The following BCAS3 variants were observed in gnomAD, a reference collection of about 807,000 sequenced individuals.
The protein encoded by BCAS3 is BCAS4/BCAS3 fusion.
Under a neutral mutation model 116.1 loss-of-function variants are expected in BCAS3, and 53 were observed. That is an observed-to-expected ratio of 0.46 (90% CI 0.37 to 0.57). The LOEUF is 0.57. Ranked by LOEUF, BCAS3 falls within the 20% of genes least tolerant of loss-of-function variation. The probability of loss-of-function intolerance (pLI) is 0.00; values close to 1 mark genes in which losing one functional copy is unlikely to be tolerated. For missense variants in BCAS3, 917 were observed against 1,165.4 expected (o/e 0.79, Z 3.10); for synonymous variants, 391 against 408.2 (o/e 0.96, Z 0.51).
chr17:61,374,950 CTAAA>C (rs1469650279), intron 23 of BCAS3, among the ~76,000 whole-genome samples: 2 of 152,218 alleles, frequency 1.3e-5, no homozygotes, highest in African/African-American at 4.8e-5. Context: ...GCTTGTTCAC[CTAAA>C]TCCTCTGAGT....
intron 22 of BCAS3, among the ~76,000 whole-genome samples, chr17:61,225,132 C>T (rs1036332174): frequency 1.4e-5 from 2 of 148,006 alleles, no homozygotes; most frequent in Non-Finnish European, 3.0e-5. Flanking sequence ...CAAGTCCATC[C>T]TTTTGGACAT....
intron 14 of BCAS3, among the ~76,000 whole-genome samples, chr17:60,953,468 CT>C (rs2145273289): frequency 6.6e-6 from 1 of 151,600 alleles, no homozygotes; most frequent in East Asian, 1.9e-4. Flanking sequence ...GGATACTAGA[CT>C]TTTGTGAGAT....
rs2144511046 is a variant in BCAS3 at position 61,243,180 on chromosome 17, GATTAC to G, written c.2426-125145_2426-125141del. ...CCGCCACGGCCTCCCAAAGTGCTGG[GATTAC>G]AGGCATGAGCCACTGCGCCCTACTG... On this transcript the variant is annotated intron_variant, in intron 22 of 23. Coordinates refer to ENST00000407086, the MANE Select transcript of BCAS3 (RefSeq NM_017679.5). This position sits in a 1 kb window ranked among gnomAD's most constrained non-coding sequence, Gnocchi z 5.6. Among the ~76,000 whole-genome samples the G allele has an allele frequency of 6.6e-6, 1 of 152,300 alleles. No homozygotes were observed. The highest frequency in any genetic ancestry group is 2.4e-5 in the African/African-American group (1 of 41,570).
intron 22 of BCAS3, among the ~76,000 whole-genome samples, chr17:61,178,994 T>C (rs569298794): frequency 1.3e-5 from 2 of 151,980 alleles, no homozygotes; most frequent in South Asian, 4.2e-4. Flanking sequence ...ATTCAGGAGG[T>C]GGGAAGGAGT....
chr17:61,201,569 G>T (rs749117385), intron 22 of BCAS3, among the ~76,000 whole-genome samples: 1 of 152,106 alleles, frequency 6.6e-6, no homozygotes, highest in African/African-American at 2.4e-5. Context: ...TATAACAAAT[G>T]TGGTGCTGGA....
At chr17:60,904,543 A>T (rs1184594552) in intron 11 of BCAS3, among the ~76,000 whole-genome samples, 2 of 152,102 alleles carry the variant, frequency 1.3e-5, no homozygotes, top group Non-Finnish European at 2.9e-5. Flanking sequence ...TTAATATAAC[A>T]CTTTAGGGCT....
chr17:60,868,200 T>A (rs1454504445), intron 7 of BCAS3, among the ~76,000 whole-genome samples: 1 of 151,852 alleles, frequency 6.6e-6, no homozygotes, highest in Non-Finnish European at 1.5e-5. Flanking sequence ...AATTTTTGTA[T>A]TTTTTTAGTG....
intron 22 of BCAS3, among the ~76,000 whole-genome samples, chr17:61,306,360 G>T (rs925830959): frequency 4.6e-5 from 7 of 152,182 alleles, no homozygotes; most frequent in Non-Finnish European, 1.0e-4. Flanking sequence ...TACCTAGACT[G>T]CAGGCTTAAG....
In BCAS3 at chr17:61,132,161, T is replaced by A. The variant is rs1384193448; in HGVS notation, c.2425+47597T>A. On this transcript the variant is annotated intron_variant, in intron 22 of 23. Coordinates refer to ENST00000407086, the MANE Select transcript of BCAS3 (RefSeq NM_017679.5). The surrounding 1 kb of genome is among the most constrained non-coding windows in gnomAD (Gnocchi z 5.1). ...AAATCACACTTCTGGTTTTTTCCAG[T>A]GATTTTTACTAAATTTGATGTTAGG... Among the ~76,000 whole-genome samples the A allele has an allele frequency of 6.6e-6, 1 of 152,244 alleles. No homozygotes were observed. The highest frequency in any genetic ancestry group is 2.4e-5 in the African/African-American group (1 of 41,468).
At chr17:61,091,561 A>C (rs1252501135) in intron 22 of BCAS3, among the ~76,000 whole-genome samples, 1 of 152,152 alleles carries the variant, frequency 6.6e-6, no homozygotes, top group African/African-American at 2.4e-5. Flanking sequence ...CTTAGAAACA[A>C]ACAAAGAGCC....
Position 61,279,231 on chromosome 17 carries a change from G to C in BCAS3, c.2426-89096G>C, listed in dbSNP as rs896292652. On this transcript the variant is annotated intron_variant, in intron 22 of 23. Transcript: ENST00000407086. This position sits in a 1 kb window ranked among gnomAD's most constrained non-coding sequence, Gnocchi z 4.4. The stretch of plus-strand genomic sequence containing the variant: ...CAAAGTGTTGGGATTACAGGCATGA[G>C]CCACCATACCTAGCCTGAATTATAT... Among the ~76,000 whole-genome samples, 47 of 152,148 alleles carry C rather than the reference G, an allele frequency of 3.1e-4. 1 individual carries two copies. The highest frequency in any genetic ancestry group is 1.1e-3 in the African/African-American group (45 of 41,442).
At position 60,766,612 on chromosome 17, in the gene BCAS3, C is replaced by T. The variant is rs150889419; in HGVS notation, c.403+19333C>T. Among the ~76,000 whole-genome samples, 17 of 152,272 alleles carry T rather than the reference C, an allele frequency of 1.1e-4. No individual in the cohort carries two copies. The East Asian group carries it at 3.1e-3, about 28-fold the overall frequency. ...CGGCTGTATGAGGTGTCATTCGGCC[C>T]CTACTGGGAGGTGTCTCCAAGTTAG... On this transcript the variant is annotated intron_variant, in intron 6 of 23. Coordinates refer to ENST00000407086, the MANE Select transcript of BCAS3 (RefSeq NM_017679.5).
chr17:60,892,230 C>T (rs1048566463), intron 10 of BCAS3, among the ~76,000 whole-genome samples: 1 of 151,456 alleles, frequency 6.6e-6, no homozygotes, highest in Admixed American at 6.6e-5. Flanking sequence ...TCTCCATACT[C>T]TTTTCCATTT....
rs571696243 is a variant in BCAS3, at chr17:60,864,317, C to T, written c.477-4259C>T. ...GGTTCTTCAGAGGTCGATTAAACTGCCATTGTGGATTTCATCAGCTTTAGC... is the reference window on the plus strand; with the variant it reads ...GGTTCTTCAGAGGTCGATTAAACTGTCATTGTGGATTTCATCAGCTTTAGC... On this transcript the variant is annotated intron_variant, in intron 7 of 23. Coordinates refer to ENST00000407086, the MANE Select transcript of BCAS3 (RefSeq NM_017679.5). Among the ~76,000 whole-genome samples, 20 of 152,256 alleles carry T rather than the reference C, an allele frequency of 1.3e-4. No individual in the cohort carries two copies. In the South Asian group the frequency reaches 3.5e-3, roughly 27 times the overall value.
chr17:60,971,051 G>C (rs2061930951), intron 14 of BCAS3, among the ~76,000 whole-genome samples: 1 of 152,270 alleles, frequency 6.6e-6, no homozygotes, highest in South Asian at 2.1e-4. Flanking sequence ...TGCAGTGCAG[G>C]GTACTGTAGG....
chr17:60,954,161 C>T (rs2060998869), intron 14 of BCAS3, among the ~76,000 whole-genome samples: 1 of 152,082 alleles, frequency 6.6e-6, no homozygotes, highest in Non-Finnish European at 1.5e-5. Flanking sequence ...TGTTGAAGAT[C>T]AGATGGTTGT....
chr17:60,737,323 C>T (rs950385997), intron 5 of BCAS3, among the ~76,000 whole-genome samples: 1 of 152,048 alleles, frequency 6.6e-6, no homozygotes, highest in African/African-American at 2.4e-5. Context: ...TAATTTTATT[C>T]ATCATTTCAA....
intron 4 of BCAS3, among the ~76,000 whole-genome samples, chr17:60,700,424 G>C (rs1309022101): frequency 6.6e-6 from 1 of 152,180 alleles, no homozygotes; most frequent in African/African-American, 2.4e-5. Context: ...AGGGACCCTG[G>C]AGGAAAATCA....
At position 60,964,344 on chromosome 17, in the gene BCAS3, G is replaced by A. The variant is rs2061555199; in HGVS notation, c.1221+16992G>A. Among the ~76,000 whole-genome samples the A allele has an allele frequency of 6.6e-6, 1 of 152,002 alleles. No homozygotes were observed. Among genetic ancestry groups the A allele is most frequent in the African/African-American group, 2.4e-5 (1 of 41,374 alleles). On this transcript the variant is annotated intron_variant, in intron 14 of 23. Coordinates refer to ENST00000407086, the MANE Select transcript of BCAS3 (RefSeq NM_017679.5). The surrounding 1 kb of genome is among the most constrained non-coding windows in gnomAD (Gnocchi z 4.6). ...TAATATGATATATCATGTTTATTGA[G>A]TTGCTTATGTTGAACCATCCTTGCA... is the stretch of plus-strand genomic sequence containing the variant.
Sources: gnomAD v4.1 joint callset for allele counts (sites outside exome capture counted in the v4.1 genomes callset) on GRCh38, gnomAD v4.1.1 for gene constraint, Gnocchi (gnomAD v3.1) non-coding constraint, MANE v1.5 for transcripts, NCBI Gene and HGNC (gene_info 2026-07-23, HGNC 2026-07-21) for gene names.